INSIG1: variants seen among roughly 807,000 people sequenced by gnomAD.
INSIG1 encodes insulin induced gene 1, also known as insulin-induced gene 1 protein.
INSIG1 carries 14 observed loss-of-function variants against 26.5 expected under a neutral mutation model. That is an observed-to-expected ratio of 0.53 (90% CI 0.35 to 0.83). INSIG1 has a LOEUF of 0.83. Among genes scored for constraint, INSIG1 ranks in the 40% least tolerant of loss-of-function variants. The pLI, the probability that INSIG1 is intolerant of heterozygous loss-of-function variation, is 0.01. For synonymous variants in INSIG1, 147 were observed against 153.3 expected (o/e 0.96, Z 0.30); for missense variants, 272 against 368.9 (o/e 0.74, Z 2.15).
Position 155,298,447 on chromosome 7 carries a change from G to A in INSIG1, c.162G>A (p.Pro54=). Residue 54 remains proline, a synonymous_variant, in exon 2 of 6, where the codon CCG becomes CCA. Transcript: ENST00000340368. The part of the protein sequence containing the change: ...GPSLLAAHGA[P]DADPAPRGRS... ...CCCTGCTGGCGGCCCACGGTGCCCC[G>A]GACGCTGACCCCGCGCCCAGGGGCC... The A allele has an allele frequency of 8.4e-6, 13 of 1,555,206 alleles. No individual in the cohort carries two copies. The highest frequency in any genetic ancestry group is 1.1e-5 in the Non-Finnish European group (13 of 1,151,338).
intron 3 of INSIG1, among the ~76,000 whole-genome samples, chr7:155,301,949 AAT>A (rs1414036380): frequency 6.3e-5 from 9 of 143,564 alleles, no homozygotes; most frequent in South Asian, 2.1e-4. Flanking sequence ...AAATATATAT[AAT>A]ATATATAATA....
At chr7:155,300,955 T>C (rs1308977864) in intron 2 of INSIG1, among the ~76,000 whole-genome samples, 2 of 152,230 alleles carry the variant, frequency 1.3e-5, no homozygotes, top group Admixed American at 6.5e-5. Context: ...TACTTGCCCA[T>C]GTGCATGTGT....
intron 2 of INSIG1, among the ~76,000 whole-genome samples, chr7:155,299,012 G>T (rs1162281727): frequency 6.6e-6 from 1 of 152,244 alleles, no homozygotes; most frequent in African/African-American, 2.4e-5. Flanking sequence ...TCCGGGTACA[G>T]CCCCAGCTGT....
In INSIG1 at chr7:155,298,454, G is replaced by T; in HGVS notation, c.169G>T (p.Asp57Tyr). The T allele has an allele frequency of 2.6e-6, 4 of 1,556,030 alleles. No individual in the cohort carries two copies. Among genetic ancestry groups the T allele is most frequent in the Non-Finnish European group, 3.5e-6 (4 of 1,151,796 alleles). The change falls in exon 2 of 6, where the codon GAC (aspartate) becomes TAC (tyrosine). Residue 57 changes from aspartate (D) to tyrosine (Y), a missense_variant. By Grantham distance (160) the Asp-to-Tyr change is radical. Coordinates refer to ENST00000340368, the MANE Select transcript of INSIG1 (RefSeq NM_005542.6). ...GGCGGCCCACGGTGCCCCGGACGCT[G>T]ACCCCGCGCCCAGGGGCCGCAGTGC... The part of the protein sequence containing the change: ...LLAAHGAPDA[D>Y]PAPRGRSAAM...
intron 2 of INSIG1, among the ~76,000 whole-genome samples, chr7:155,299,233 C>G (rs2150893947): frequency 6.6e-6 from 1 of 152,316 alleles, no homozygotes; most frequent in African/African-American, 2.4e-5. Context: ...GAAGCCAAAC[C>G]GCCTACACCC....
chr7:155,306,713 C>T (rs2150902077), intron 5 of INSIG1, among the ~76,000 whole-genome samples: 1 of 152,324 alleles, frequency 6.6e-6, no homozygotes, highest in Non-Finnish European at 1.5e-5. Flanking sequence ...GAAATTGCAG[C>T]TTAGGAAGAT....
intron 5 of INSIG1, among the ~76,000 whole-genome samples, chr7:155,303,563 C>T (rs1797852099): frequency 6.6e-6 from 1 of 152,196 alleles, no homozygotes; most frequent in East Asian, 1.9e-4. Context: ...CTCACAGCCC[C>T]CCTGAGGGAG....
chr7:155,308,374 C>G lies in INSIG1; in HGVS notation c.*104C>G. On this transcript the variant is annotated 3_prime_UTR_variant, in exon 6 of 6. Transcript: ENST00000340368. Reference sequence around the variant, plus strand: ...TTTTTCTTAAGTAATCTATTTAGATCGGGCTGACTGTACAAATGACTCCTG... The same window carrying G: ...TTTTTCTTAAGTAATCTATTTAGATGGGGCTGACTGTACAAATGACTCCTG... 4 of 1,345,662 alleles carry G rather than the reference C, an allele frequency of 3.0e-6. No individual in the cohort carries two copies. Among genetic ancestry groups the G allele is most frequent in the Non-Finnish European group, 4.3e-6 (4 of 937,102 alleles). 83.4% of individuals were successfully genotyped at this position (1,345,662 alleles called of 1,614,324 possible). A position where few individuals can be genotyped will look rare whatever the true frequency, so the allele number is the denominator to read the frequency against.
chr7:155,307,924 C>T (rs1400699490), intron 5 of INSIG1, among the ~76,000 whole-genome samples: 4 of 152,130 alleles, frequency 2.6e-5, no homozygotes, highest in African/African-American at 9.7e-5. Context: ...AAACTTTCAC[C>T]AATATCTTAC....
rs1585199186 is a variant in INSIG1 at position 155,298,111 on chromosome 7, C to T, written c.-27-148C>T. 3 of 545,710 alleles carry T rather than the reference C, an allele frequency of 5.5e-6. No individual in the cohort carries two copies. In the East Asian group the frequency reaches 1.1e-4, roughly 19 times the overall value. 33.8% of individuals were successfully genotyped at this position (545,710 alleles called of 1,614,324 possible). On this transcript the variant is annotated intron_variant, in intron 1 of 5. Transcript: ENST00000340368. ...TGCTGCTCGCTGTGAGCGCGGGTCCCGTCCGCCGCTGGCCCCGGGCGGGCG... is the reference window on the plus strand; with the variant it reads ...TGCTGCTCGCTGTGAGCGCGGGTCCTGTCCGCCGCTGGCCCCGGGCGGGCG...
In INSIG1 at chr7:155,298,760, T is replaced by C. The variant is rs1797705111; in HGVS notation, c.412+63T>C. 3.4e-6 allele frequency: 5 copies of C among 1,451,462 alleles called. No homozygotes were observed. In the South Asian group the frequency reaches 6.2e-5, roughly 18 times the overall value. The allele number at this position is 1,451,462 out of a possible 1,614,324, so 89.9% of individuals were successfully genotyped here. ...GTGTCTTTTCGGTTGAAAGTACTTTTCAGCCTATAAGAAACATGCATTTGA... is the reference window on the plus strand; with the variant it reads ...GTGTCTTTTCGGTTGAAAGTACTTTCCAGCCTATAAGAAACATGCATTTGA... On this transcript the variant is annotated intron_variant, in intron 2 of 5. Transcript: ENST00000340368.
chr7:155,298,750 A>C (rs1479363855), intron 2 of INSIG1, 53 bp downstream of exon 2: 14 of 1,523,668 alleles, frequency 9.2e-6, no homozygotes, highest in African/African-American at 2.7e-5. Context: ...TTTTCGGTTG[A>C]AAGTACTTTT....
intron 2 of INSIG1, 98 bp from the exon 3 acceptor site, chr7:155,301,468 G>A: frequency 9.1e-7 from 1 of 1,098,468 alleles, no homozygotes; most frequent in South Asian, 2.6e-5. Context: ...TCTAGGAAAA[G>A]GACTGGTTTG....
At chr7:155,298,718 T>C (rs779702577) in intron 2 of INSIG1, 21 bp downstream of exon 2, 26 of 1,595,300 alleles carry the variant, frequency 1.6e-5, no homozygotes, top group Non-Finnish European at 2.0e-5. Flanking sequence ...CTCCTGGTTC[T>C]TCTGGAAGTA....
intron 3 of INSIG1, among the ~76,000 whole-genome samples, 157 bp downstream of exon 3, chr7:155,301,847 G>A (rs1797793771): frequency 6.7e-6 from 1 of 150,050 alleles, no homozygotes; most frequent in Admixed American, 6.7e-5. Context: ...AGAAGAATGG[G>A]GCTATCGATG....
At position 155,298,479 on chromosome 7, in the gene INSIG1, C is replaced by T. The variant is rs992348599; in HGVS notation, c.194C>T (p.Ala65Val). The T allele has an allele frequency of 1.3e-6, 2 of 1,563,950 alleles. No homozygotes were observed. The highest frequency in any genetic ancestry group is 2.7e-5 in the African/African-American group (2 of 73,884). ...DADPAPRGRS[A>V]AMSGPEPGSP... ...GACCCCGCGCCCAGGGGCCGCAGTGCTGCGATGAGCGGCCCCGAGCCCGGC... is the reference window on the plus strand; with the variant it reads ...GACCCCGCGCCCAGGGGCCGCAGTGTTGCGATGAGCGGCCCCGAGCCCGGC... Residue 65 changes from alanine (A) to valine (V), a missense_variant, in exon 2 of 6, where the codon GCT becomes GTT. This residue lies in a region of INSIG1 where 161 missense variants were observed against 179.2 expected (regional missense o/e 0.90). Coordinates refer to ENST00000340368, the MANE Select transcript of INSIG1 (RefSeq NM_005542.6).
rs1030499235 is a variant in INSIG1 at position 155,302,827 on chromosome 7, T to C, written c.785T>C (p.Ile262Thr). ...TCAGGAGGCGTCACGGTGGGGAACA[T>C]AGGACGACAGTTAGCTATGGTAAGT... The part of the protein sequence containing the change: ...FFSGGVTVGN[I>T]GRQLAMGVPE... Residue 262 changes from isoleucine (I) to threonine (T), a missense_variant, in exon 5 of 6, where the codon ATA becomes ACA. By Grantham distance (89) the Ile-to-Thr change is moderately conservative. This residue lies in a region of INSIG1 where 111 missense variants were observed against 189.8 expected (regional missense o/e 0.58). Coordinates refer to ENST00000340368, the MANE Select transcript of INSIG1 (RefSeq NM_005542.6). This position sits in a 1 kb window ranked among gnomAD's most constrained non-coding sequence, Gnocchi z 4.3. 6.2e-7 allele frequency: 1 copy of C among 1,606,376 alleles called. No homozygotes were observed. Among genetic ancestry groups the C allele is most frequent in the Non-Finnish European group, 8.5e-7 (1 of 1,172,968 alleles).
rs1797830845 is a variant in INSIG1 at position 155,302,962 on chromosome 7, A to G, written c.804+116A>G. 3.1e-6 allele frequency: 2 copies of G among 636,938 alleles called. No homozygotes were observed. The highest frequency in any genetic ancestry group is 3.6e-5 in the African/African-American group (2 of 55,650). 39.5% of individuals were successfully genotyped at this position (636,938 alleles called of 1,614,324 possible). On this transcript the variant is annotated intron_variant, in intron 5 of 5. Transcript: ENST00000340368. The surrounding 1 kb of genome is among the most constrained non-coding windows in gnomAD (Gnocchi z 4.3). ...ATATTCTGGTTCAGACTTGAGTGAC[A>G]ACTACTGAGAAAAGCTTATATTTAA...
At chr7:155,299,717 G>C (rs975628283) in intron 2 of INSIG1, among the ~76,000 whole-genome samples, 1 of 152,210 alleles carries the variant, frequency 6.6e-6, no homozygotes, top group Non-Finnish European at 1.5e-5. Flanking sequence ...ATAGGCTTCA[G>C]ATGCTTTGCT....
Sources: allele counts gnomAD v4.1 joint callset (sites outside exome capture counted in the v4.1 genomes callset), GRCh38; gene constraint gnomAD v4.1.1; regional missense constraint gnomAD v4.1.1; non-coding constraint Gnocchi (gnomAD v3.1); transcripts MANE v1.5; gene names NCBI Gene and HGNC (gene_info 2026-07-23, HGNC 2026-07-21).